ZNF277: variants seen among roughly 807,000 people sequenced by gnomAD.
The protein encoded by ZNF277 is zinc finger protein 277, also known as nuclear receptor-interacting factor 4.
In ZNF277, 55 loss-of-function variants were observed where a neutral mutation model predicts 60.7. The observed-to-expected ratio is 0.91, with a 90% CI of 0.73 to 1.13. The LOEUF (loss-of-function observed/expected upper bound fraction) is 1.13. ZNF277 is among the 50% of genes most tolerant of loss of function. ZNF277 has a pLI of 0.00. For missense variants in ZNF277, 510 were observed against 523.0 expected, an observed-to-expected ratio of 0.98 and a Z score of 0.24; for synonymous variants, 178 against 179.3, an observed-to-expected ratio of 0.99 and a Z score of 0.06.
At chr7:112,226,888 C>G (rs1822190219) in intron 1 of ZNF277, among the ~76,000 whole-genome samples, 1 of 151,962 alleles carries the variant, frequency 6.6e-6, no homozygotes, top group African/African-American at 2.4e-5. Context: ...TAGACAGCTT[C>G]AAAATGATTC....
At chr7:112,220,288 ATT>A (rs939742144) in intron 1 of ZNF277, among the ~76,000 whole-genome samples, 2 of 146,232 alleles carry the variant, frequency 1.4e-5, no homozygotes. Flanking sequence ...ATTCCTAAGT[ATT>A]TTTTTTTTTG....
intron 4 of ZNF277, among the ~76,000 whole-genome samples, chr7:112,306,975 A>G (rs2117094202): frequency 6.6e-6 from 1 of 152,032 alleles, no homozygotes; most frequent in Admixed American, 6.6e-5. Flanking sequence ...AGGAATAATT[A>G]TATTATTTCT....
chr7:112,237,525 T>C (rs1452786832), intron 1 of ZNF277, among the ~76,000 whole-genome samples: 1 of 151,956 alleles, frequency 6.6e-6, no homozygotes, highest in African/African-American at 2.4e-5. Flanking sequence ...CAGGAGAAAT[T>C]ACAGCTGATA....
At chr7:112,207,831 A>T (rs1821597488) in intron 1 of ZNF277, among the ~76,000 whole-genome samples, 1 of 152,182 alleles carries the variant, frequency 6.6e-6, no homozygotes, top group African/African-American at 2.4e-5. Context: ...ACAGAGTTGA[A>T]GTGCAGTTTT....
chr7:112,285,742 A>C (rs1226867618), intron 1 of ZNF277, among the ~76,000 whole-genome samples: 1 of 151,998 alleles, frequency 6.6e-6, no homozygotes, highest in Non-Finnish European at 1.5e-5. Flanking sequence ...ATAATTCTCA[A>C]GCCATGGTCA....
chr7:112,329,910 C>G (rs536762242), intron 6 of ZNF277, among the ~76,000 whole-genome samples, 174 bp from the exon 7 acceptor site: 1 of 152,140 alleles, frequency 6.6e-6, no homozygotes, highest in Non-Finnish European at 1.5e-5. Context: ...CCATACTATG[C>G]ACTCTACAAA....
At chr7:112,218,531 TTAA>T (rs1047576604) in intron 1 of ZNF277, among the ~76,000 whole-genome samples, 4 of 151,630 alleles carry the variant, frequency 2.6e-5, no homozygotes, top group Non-Finnish European at 5.9e-5. Flanking sequence ...TACAGTGTTA[TTAA>T]TAATAGTTAC....
At chr7:112,304,229 T>C (rs2117089907) in intron 4 of ZNF277, among the ~76,000 whole-genome samples, 1 of 151,954 alleles carries the variant, frequency 6.6e-6, no homozygotes, top group African/African-American at 2.4e-5. Flanking sequence ...TTAGTACAGT[T>C]ATCCCTGCCT....
intron 1 of ZNF277, among the ~76,000 whole-genome samples, chr7:112,220,081 T>C (rs1821986240): frequency 6.6e-6 from 1 of 152,232 alleles, no homozygotes; most frequent in Non-Finnish European, 1.5e-5. Flanking sequence ...GTTTATTCTG[T>C]TTCTGTGAAA....
chr7:112,294,161 C>CTCTTG (rs1199475372), intron 2 of ZNF277, among the ~76,000 whole-genome samples: 2 of 152,174 alleles, frequency 1.3e-5, no homozygotes, highest in Non-Finnish European at 2.9e-5. Context: ...CTTAAGCCTC[C>CTCTTG]TCTTGTCTTC....
chr7:112,208,596 C>CT (rs774920648), intron 1 of ZNF277, among the ~76,000 whole-genome samples: 7,560 of 109,454 alleles, frequency 0.069, 545 homozygotes, highest in African/African-American at 0.19. Flanking sequence ...TCTTCTTCTT[C>CT]TTTTTTTTTT....
chr7:112,281,307 C>T (rs1428396278), intron 1 of ZNF277, among the ~76,000 whole-genome samples: 1 of 152,136 alleles, frequency 6.6e-6, no homozygotes, highest in Non-Finnish European at 1.5e-5. Context: ...GGTGATAAAA[C>T]TCAAATTTGG....
At chr7:112,209,410 G>A (rs1208090821) in intron 1 of ZNF277, among the ~76,000 whole-genome samples, 1 of 152,098 alleles carries the variant, frequency 6.6e-6, no homozygotes, top group East Asian at 1.9e-4. Flanking sequence ...AATAATCCAG[G>A]ACCAATGTTT....
chr7:112,269,090 CTT>C (rs1791609442), intron 1 of ZNF277, among the ~76,000 whole-genome samples: 1 of 151,980 alleles, frequency 6.6e-6, no homozygotes, highest in Non-Finnish European at 1.5e-5. Context: ...ATAATTGCCT[CTT>C]GTTAGTCATT....
chr7:112,239,374 C>G (rs1459803657), intron 1 of ZNF277, among the ~76,000 whole-genome samples: 1 of 152,158 alleles, frequency 6.6e-6, no homozygotes, highest in East Asian at 1.9e-4. Context: ...GACTAAGGAG[C>G]CCTAGGGCTC....
In ZNF277 at chr7:112,239,254, C is replaced by T. The variant is rs533758302; in HGVS notation, c.91+32447C>T. ...AGCACCAGTAGATTCCTAAAGTTTC[C>T]AGTTCTAAGCCCTAGCTCCTGGACA... On this transcript the variant is annotated intron_variant, in intron 1 of 11. Coordinates refer to ENST00000361822, the MANE Select transcript of ZNF277 (RefSeq NM_021994.3). Among the ~76,000 whole-genome samples the T allele has an allele frequency of 9.4e-4, 143 of 152,312 alleles. 2 individuals are homozygous for T. The Middle Eastern group carries it at 0.014, about 14-fold the overall frequency.
At chr7:112,302,285 A>G (rs1792494412) in intron 4 of ZNF277, among the ~76,000 whole-genome samples, 1 of 152,068 alleles carries the variant, frequency 6.6e-6, no homozygotes, top group African/African-American at 2.4e-5. Context: ...CCACAACAAA[A>G]TGAAATTGCG....
At chr7:112,339,774 T>C (rs2117145826) in intron 9 of ZNF277, 69 bp from the exon 10 acceptor site, 1 of 1,471,038 alleles carries the variant, frequency 6.8e-7, no homozygotes, top group Non-Finnish European at 9.5e-7. Context: ...TGTGAATAAG[T>C]TGTTTATAAC....
chr7:112,234,320 T>C (rs1042222866), intron 1 of ZNF277, among the ~76,000 whole-genome samples: 1 of 152,178 alleles, frequency 6.6e-6, no homozygotes, highest in Non-Finnish European at 1.5e-5. Flanking sequence ...TTATTTCTCA[T>C]GGTTCTGGGG....
Sources: gnomAD v4.1 joint callset for allele counts (sites outside exome capture counted in the v4.1 genomes callset) on GRCh38, gnomAD v4.1.1 for gene constraint, MANE v1.5 for transcripts, NCBI Gene and HGNC (gene_info 2026-07-23, HGNC 2026-07-21) for gene names.